ZNF280D: variants seen among roughly 807,000 people sequenced by gnomAD.
ZNF280D encodes the protein suppressor of hairy wing homolog 4.
In ZNF280D, 39 loss-of-function variants were observed where a neutral mutation model predicts 94.7. The ratio of observed to expected loss-of-function variants is 0.41; its 90% CI spans 0.32 to 0.54. The LOEUF is 0.54. ZNF280D is among the 20% of genes least tolerant of loss of function. The pLI is 0.22. For missense variants in ZNF280D, 1,090 were observed against 1,149.3 expected, an observed-to-expected ratio of 0.95 and a Z score of 0.75; for synonymous variants, 398 against 377.6, an observed-to-expected ratio of 1.05 and a Z score of -0.63.
intron 20 of ZNF280D, among the ~76,000 whole-genome samples, chr15:56,640,163 A>C (rs1596326460): frequency 6.6e-6 from 1 of 152,178 alleles, no homozygotes. Context: ...CTGGCTCAGC[A>C]TAACAGTCTC....
chr15:56,657,275 T>G (rs1403703266), intron 17 of ZNF280D, among the ~76,000 whole-genome samples: 2 of 152,136 alleles, frequency 1.3e-5, no homozygotes, highest in African/African-American at 2.4e-5. Flanking sequence ...TCTTTCAGTA[T>G]AGTAAAATTG....
chr15:56,728,115 C>T (rs1248740661), intron 1 of ZNF280D, among the ~76,000 whole-genome samples: 4 of 151,972 alleles, frequency 2.6e-5, no homozygotes, highest in African/African-American at 7.3e-5. Flanking sequence ...CACTGCAACC[C>T]AGACCTGAAG....
chr15:56,680,391 G>T lies in ZNF280D; in HGVS notation c.1005-1570C>A, dbSNP rs1482303498. Among the ~76,000 whole-genome samples, 6 of 152,224 alleles carry T rather than the reference G, an allele frequency of 3.9e-5. No individual in the cohort carries two copies. The East Asian group carries it at 1.2e-3, about 29-fold the overall frequency. ...AATACTCAATTCCTGGATATTATCA[G>T]ATATAATTTTCTTAAAATCTGTAAA... On this transcript the variant is annotated intron_variant, in intron 10 of 21. Transcript: ENST00000267807.
intron 1 of ZNF280D, among the ~76,000 whole-genome samples, chr15:56,713,796 T>C (rs1404601004): frequency 1.3e-5 from 2 of 152,188 alleles, no homozygotes; most frequent in Non-Finnish European, 2.9e-5. Flanking sequence ...TTAAAACTCC[T>C]GTTGTACATC....
In ZNF280D at chr15:56,689,170, T is replaced by C. The variant is rs2056262067; in HGVS notation, c.671-20A>G. On this transcript the variant is annotated intron_variant, in intron 8 of 21. Coordinates refer to ENST00000267807, the MANE Select transcript of ZNF280D (RefSeq NM_017661.4). ...TTGTACCTAAAATAAATTCAGAACATTTATGACTCAAAATTCATCACTTTT... is the reference window on the plus strand; with the variant it reads ...TTGTACCTAAAATAAATTCAGAACACTTATGACTCAAAATTCATCACTTTT... The C allele has an allele frequency of 2.5e-6, 4 of 1,591,004 alleles. No individual in the cohort carries two copies. The highest frequency in any genetic ancestry group is 3.4e-6 in the Non-Finnish European group (4 of 1,167,556).
intron 1 of ZNF280D, among the ~76,000 whole-genome samples, chr15:56,725,657 A>G (rs545311297): frequency 1.3e-5 from 2 of 152,232 alleles, no homozygotes; most frequent in Admixed American, 1.3e-4. Flanking sequence ...CAAGCCCAAG[A>G]CCACATTTAG....
Position 56,676,803 on chromosome 15 carries a change from C to A in ZNF280D, c.1277G>T (p.Arg426Ile). Reference sequence around the variant, plus strand: ...TTCTACATCAGAAAATGATGATGATCTATAATTACAAACCTAAAAAAAGAA... The same window carrying A: ...TTCTACATCAGAAAATGATGATGATATATAATTACAAACCTAAAAAAAGAA... ...MPYVCQVCNY[R>I]SSSFSDVETH... The change falls in exon 13 of 22, where the codon AGA becomes ATA. Residue 426 changes from arginine (R) to isoleucine (I), a missense_variant. Around this residue, in one of 3 missense-constraint regions of ZNF280D, gnomAD observed 127 missense variants for 208.6 expected, o/e 0.61. Coordinates refer to ENST00000267807, the MANE Select transcript of ZNF280D (RefSeq NM_017661.4). 1 of 1,594,096 alleles carries A rather than the reference C, an allele frequency of 6.3e-7. No individual in the cohort carries two copies. The highest frequency in any genetic ancestry group is 8.5e-7 in the Non-Finnish European group (1 of 1,169,898).
intron 20 of ZNF280D, among the ~76,000 whole-genome samples, chr15:56,639,684 C>T (rs2052530409): frequency 6.6e-6 from 1 of 152,046 alleles, no homozygotes. Context: ...TGTACTTCAG[C>T]CAAACTATCA....
chr15:56,631,534 T>A lies in ZNF280D; in HGVS notation c.2904A>T (p.Ala968=), dbSNP rs1243735777. 3 of 1,613,740 alleles carry A rather than the reference T, an allele frequency of 1.9e-6. No homozygotes were observed. In the Admixed American group the frequency reaches 5.0e-5, roughly 27 times the overall value. The change falls in exon 22 of 22, where the codon GCA becomes GCT. Residue 968 remains alanine (A), a synonymous_variant. Coordinates refer to ENST00000267807, the MANE Select transcript of ZNF280D (RefSeq NM_017661.4). ...PGGNNPSTTE[A]TVDLEDEKER... is the part of the protein sequence containing the mutation. Reference sequence around the variant, plus strand: ...CTTTTTCGTCTTCCAGGTCTACTGTTGCCTCTGTTGTGCTAGGGTTATTTC... The same window carrying A: ...CTTTTTCGTCTTCCAGGTCTACTGTAGCCTCTGTTGTGCTAGGGTTATTTC...
intron 6 of ZNF280D, chr15:56,699,515 A>T: frequency 2.3e-6 from 2 of 866,698 alleles, no homozygotes; most frequent in Non-Finnish European, 2.8e-6. Flanking sequence ...GAAATAAAAT[A>T]GTGTTATATT....
intron 19 of ZNF280D, among the ~76,000 whole-genome samples, chr15:56,643,682 C>T (rs1049766054): frequency 4.6e-5 from 7 of 151,770 alleles, no homozygotes; most frequent in Non-Finnish European, 8.9e-5. Flanking sequence ...TCCAAAGGAT[C>T]TTTGTTTTAG....
chr15:56,695,588 G>A (rs2056699751), intron 6 of ZNF280D, among the ~76,000 whole-genome samples: 1 of 149,068 alleles, frequency 6.7e-6, no homozygotes, highest in Admixed American at 6.7e-5. Flanking sequence ...GGAGTGCAGT[G>A]GTGTGATCTT....
intron 1 of ZNF280D, among the ~76,000 whole-genome samples, chr15:56,721,870 G>A (rs762354222): frequency 1.3e-5 from 2 of 152,030 alleles, no homozygotes; most frequent in African/African-American, 2.4e-5. Context: ...TGTTTCCTTC[G>A]CAATCACAAC....
intron 21 of ZNF280D, chr15:56,634,249 A>AT (rs1432128093): frequency 6.6e-6 from 1 of 151,388 alleles, no homozygotes; most frequent in Non-Finnish European, 1.5e-5. Flanking sequence ...CACTTAACTC[A>AT]TTTTTTGGAT....
chr15:56,703,198 C>A (rs1226062221), intron 4 of ZNF280D, among the ~76,000 whole-genome samples: 1 of 152,116 alleles, frequency 6.6e-6, no homozygotes. Context: ...CACAAAGGTA[C>A]CAAGTTGTTC....
At chr15:56,715,878 T>C (rs2058017677) in intron 1 of ZNF280D, among the ~76,000 whole-genome samples, 1 of 152,054 alleles carries the variant, frequency 6.6e-6, no homozygotes, top group Admixed American at 6.6e-5. Context: ...ACTGAAATAT[T>C]CAGAAACAAA....
At position 56,631,549 on chromosome 15, in the gene ZNF280D, AG is replaced by A; in HGVS notation, c.2888del (p.Pro963LeufsTer8). On this transcript the variant is annotated frameshift_variant, in exon 22 of 22. Coordinates refer to ENST00000267807, the MANE Select transcript of ZNF280D (RefSeq NM_017661.4). LOFTEE classifies it high-confidence loss of function. Reference protein sequence around the residue: ...QTDDIPGGNNPSTTEATVDLE... With the variant: ...QTDDIPGGNNXSTTEATVDLE... ...GGTCTACTGTTGCCTCTGTTGTGCT[AG>A]GGTTATTTCCTCCAGGAATGTCATC... 1 of 1,614,030 alleles carries A rather than the reference AG, an allele frequency of 6.2e-7. No individual in the cohort carries two copies. Among genetic ancestry groups the A allele is most frequent in the Non-Finnish European group, 8.5e-7 (1 of 1,179,972 alleles).
chr15:56,701,341 G>T, intron 4 of ZNF280D, 103 bp from the exon 5 acceptor site: 3 of 824,912 alleles, frequency 3.6e-6, no homozygotes, highest in South Asian at 3.9e-5. Flanking sequence ...TTTATGGAAG[G>T]AGTATATAAC....
intron 6 of ZNF280D, among the ~76,000 whole-genome samples, chr15:56,693,801 A>C (rs1250364661): frequency 6.6e-6 from 1 of 152,248 alleles, no homozygotes; most frequent in Non-Finnish European, 1.5e-5. Context: ...AATATATCAC[A>C]TAATGTGAAT....
Sources: allele counts gnomAD v4.1 joint callset (sites outside exome capture counted in the v4.1 genomes callset), GRCh38; gene constraint gnomAD v4.1.1; regional missense constraint gnomAD v4.1.1; transcripts MANE v1.5; gene names NCBI Gene and HGNC (gene_info 2026-07-23, HGNC 2026-07-21).